TFEC: variants seen among roughly 807,000 people sequenced by gnomAD.
The protein encoded by TFEC is class E basic helix-loop-helix protein 34.
A neutral mutation model predicts 41.6 loss-of-function variants in TFEC; 31 were observed. The observed-to-expected ratio is 0.74, with a 90% CI of 0.56 to 1.01. The LOEUF (loss-of-function observed/expected upper bound fraction) is 1.01. Among genes scored for constraint, TFEC ranks in the 50% least tolerant of loss-of-function variants. The pLI is 0.00. For synonymous variants in TFEC, 143 were observed against 140.6 expected, an observed-to-expected ratio of 1.02 and a Z score of -0.12; for missense variants, 402 against 404.1, an observed-to-expected ratio of 0.99 and a Z score of 0.04.
intron 2 of TFEC, among the ~76,000 whole-genome samples, chr7:116,111,099 T>A (rs1797845234): frequency 6.6e-6 from 1 of 151,512 alleles, no homozygotes; most frequent in Admixed American, 6.6e-5. Context: ...AGGTAATTCT[T>A]AATGTTCAAG....
chr7:116,112,814 T>C (rs1797886954), intron 1 of TFEC, among the ~76,000 whole-genome samples: 1 of 151,916 alleles, frequency 6.6e-6, no homozygotes, highest in Admixed American at 6.6e-5. Flanking sequence ...GAAATTAAAA[T>C]GTCTAGGCCC....
Position 116,156,581 on chromosome 7 carries a change from TTGTG to T in TFEC, c.-69+3205_-69+3208del, listed in dbSNP as rs1044052281. Among the ~76,000 whole-genome samples, 162 of 152,290 alleles carry T rather than the reference TTGTG, an allele frequency of 1.1e-3. 2 individuals carry two copies. Among genetic ancestry groups the T allele is most frequent in the African/African-American group, 3.8e-3 (159 of 41,570 alleles). ...TGCAATTTGGCCACATTGAAATGGC[TTGTG>T]TGTATTTTAAGCTATCTATTTTTTT... On this transcript the variant is annotated intron_variant, in intron 1 of 8. Transcript: ENST00000484212.
chr7:115,954,108 T>G (rs764580724), intron 5 of TFEC, among the ~76,000 whole-genome samples: 4 of 152,060 alleles, frequency 2.6e-5, no homozygotes, highest in African/African-American at 9.7e-5. Context: ...TAGGAAGGCA[T>G]GAGGGCTCTA....
intron 1 of TFEC, among the ~76,000 whole-genome samples, chr7:116,005,107 T>C (rs1794739169): frequency 6.6e-6 from 1 of 152,180 alleles, no homozygotes; most frequent in African/African-American, 2.4e-5. Flanking sequence ...TTAAACCTCT[T>C]TCTTTTGTAA....
At position 116,048,201 on chromosome 7, in the gene TFEC, C is replaced by A. The variant is rs11765819; in HGVS notation, c.198+62507G>T. On this transcript the variant is annotated intron_variant, in intron 3 of 8. Coordinates refer to the TFEC transcript ENST00000484212. Reference sequence around the variant, plus strand: ...CTTCTCCGAGCTAAATGAGGATGTTCGAACCCACCACAAAGAAGCTAAAAA... The same window carrying A: ...CTTCTCCGAGCTAAATGAGGATGTTAGAACCCACCACAAAGAAGCTAAAAA... 3.3e-4 allele frequency among the ~76,000 whole-genome samples: 50 copies of A among 152,216 alleles called. 2 individuals carry two copies. The East Asian group carries it at 9.5e-3, about 29-fold the overall frequency.
intron 3 of TFEC, among the ~76,000 whole-genome samples, chr7:116,050,808 A>G (rs939250743): frequency 2.0e-5 from 3 of 152,250 alleles, no homozygotes; most frequent in Non-Finnish European, 1.5e-5. Context: ...CATATACCCA[A>G]AGGACTATAA....
At chr7:115,963,948 A>T (rs115110936) in intron 3 of TFEC, among the ~76,000 whole-genome samples, 1 of 151,680 alleles carries the variant, frequency 6.6e-6, no homozygotes, top group Non-Finnish European at 1.5e-5. Context: ...ATATAAAAAC[A>T]TAATGGGATA....
At chr7:116,128,455 G>A (rs908928458) in intron 1 of TFEC, among the ~76,000 whole-genome samples, 32 of 152,202 alleles carry the variant, frequency 2.1e-4, no homozygotes, top group African/African-American at 6.7e-4. Context: ...AACTGATGCC[G>A]GGGGAAGGTG....
Position 115,944,845 on chromosome 7 carries a change from A to C in TFEC, c.516-2805T>G, listed in dbSNP as rs543304835. ...TGACTTGGCACACTCTTAGTAAATA[A>C]AACTGCAACAAAGATTTCACAGGGC... is the stretch of plus-strand genomic sequence containing the variant. On this transcript the variant is annotated intron_variant, in intron 6 of 7. Coordinates refer to ENST00000265440, the MANE Select transcript of TFEC (RefSeq NM_012252.4). Among the ~76,000 whole-genome samples, 5 of 151,474 alleles carry C rather than the reference A, an allele frequency of 3.3e-5. 1 individual carries two copies. The East Asian group carries it at 9.8e-4, about 30-fold the overall frequency.
chr7:115,981,232 T>C (rs948606713), intron 2 of TFEC, among the ~76,000 whole-genome samples: 9 of 152,058 alleles, frequency 5.9e-5, no homozygotes, highest in African/African-American at 2.2e-4. Flanking sequence ...CAGCATTCTC[T>C]ACTCAAAAAA....
chr7:115,956,481 G>T (rs1427290676), intron 4 of TFEC, among the ~76,000 whole-genome samples, 198 bp downstream of exon 4: 1 of 151,746 alleles, frequency 6.6e-6, no homozygotes, highest in African/African-American at 2.4e-5. Context: ...CCAAAATAAT[G>T]AATCAATTCA....
chr7:116,128,708 G>T (rs1409874796), intron 1 of TFEC, among the ~76,000 whole-genome samples: 2 of 152,018 alleles, frequency 1.3e-5, no homozygotes, highest in Non-Finnish European at 2.9e-5. Context: ...CTGCCTCAGT[G>T]TTACTGACTG....
chr7:115,992,734 T>C (rs1212016228), intron 1 of TFEC, among the ~76,000 whole-genome samples: 1 of 151,968 alleles, frequency 6.6e-6, no homozygotes, highest in Non-Finnish European at 1.5e-5. Flanking sequence ...CCAAAAAAAG[T>C]CCAGGACCAG....
intron 3 of TFEC, among the ~76,000 whole-genome samples, chr7:116,082,185 T>A (rs1023345892): frequency 1.2e-4 from 18 of 152,050 alleles, no homozygotes; most frequent in Admixed American, 1.1e-3. Flanking sequence ...AATTATGTAA[T>A]GTATGCAAAA....
At chr7:116,002,482 T>C (rs965520858) in intron 1 of TFEC, among the ~76,000 whole-genome samples, 4 of 152,160 alleles carry the variant, frequency 2.6e-5, no homozygotes, top group Non-Finnish European at 4.4e-5. Flanking sequence ...ATTAAAATAA[T>C]TGAACTCATT....
At chr7:116,021,979 T>C (rs1324336744) in intron 1 of TFEC, among the ~76,000 whole-genome samples, 2 of 152,152 alleles carry the variant, frequency 1.3e-5, no homozygotes, top group Admixed American at 1.3e-4. Flanking sequence ...GTCCTCAGAT[T>C]CAGCACTGGG....
intron 3 of TFEC, among the ~76,000 whole-genome samples, chr7:115,969,806 A>G (rs909774854): frequency 1.3e-5 from 2 of 151,958 alleles, no homozygotes; most frequent in African/African-American, 4.8e-5. Context: ...GTTTTACAAG[A>G]GGACATGATA....
intron 5 of TFEC, among the ~76,000 whole-genome samples, chr7:115,951,872 C>T (rs1278257646): frequency 6.6e-6 from 1 of 152,028 alleles, no homozygotes; most frequent in Non-Finnish European, 1.5e-5. Flanking sequence ...TCCTGTATTA[C>T]TCTTCTCTAA....
intron 1 of TFEC, among the ~76,000 whole-genome samples, chr7:116,155,141 T>G (rs1726843881): frequency 6.6e-6 from 1 of 152,224 alleles, no homozygotes; most frequent in African/African-American, 2.4e-5. Context: ...GTACGATTTC[T>G]GTTTCCCTGA....
Sources: allele counts gnomAD v4.1 joint callset (sites outside exome capture counted in the v4.1 genomes callset), GRCh38; gene constraint gnomAD v4.1.1; transcripts MANE v1.5; gene names NCBI Gene and HGNC (gene_info 2026-07-23, HGNC 2026-07-21).